The following AAMDC variants were observed in gnomAD, a reference collection of about 807,000 sequenced individuals.
AAMDC encodes mth938 domain-containing protein.
In AAMDC, 16 loss-of-function variants were observed where a neutral mutation model predicts 15.5. That is an observed-to-expected ratio of 1.03 (90% CI 0.70 to 1.57). AAMDC has a LOEUF of 1.57. Ranked by LOEUF, AAMDC falls within the 40% of genes most tolerant of loss-of-function variation. AAMDC has a pLI of 0.00. For synonymous variants in AAMDC, 51 were observed against 51.6 expected, an observed-to-expected ratio of 0.99 and a Z score of 0.05; for missense variants, 141 against 144.9, an observed-to-expected ratio of 0.97 and a Z score of 0.14.
At chr11:77,844,095 A>G (rs1192144517) in intron 2 of AAMDC, among the ~76,000 whole-genome samples, 1 of 152,124 alleles carries the variant, frequency 6.6e-6, no homozygotes, top group African/African-American at 2.4e-5. Context: ...GTGGGGACAC[A>G]GCCAAACTGT....
At chr11:77,879,592 G>A (rs963204335) in intron 5 of AAMDC, among the ~76,000 whole-genome samples, 4 of 152,110 alleles carry the variant, frequency 2.6e-5, no homozygotes, top group Admixed American at 2.6e-4. Flanking sequence ...GAAGTGGTTC[G>A]CCAAAAAGTT....
chr11:77,848,313 T>C (rs1171287203), intron 2 of AAMDC, among the ~76,000 whole-genome samples: 1 of 152,186 alleles, frequency 6.6e-6, no homozygotes, highest in Non-Finnish European at 1.5e-5. Flanking sequence ...TGCTGTATAT[T>C]TCTATTTTTC....
At chr11:77,829,360 G>A (rs1016152121) in intron 1 of AAMDC, among the ~76,000 whole-genome samples, 1 of 152,166 alleles carries the variant, frequency 6.6e-6, no homozygotes, top group African/African-American at 2.4e-5. Flanking sequence ...TGTTGTTTAA[G>A]TTACCAATTT....
chr11:77,905,269 C>T (rs963609950), downstream of AAMDC, among the ~76,000 whole-genome samples: 6 of 151,928 alleles, frequency 3.9e-5, no homozygotes, highest in Non-Finnish European at 5.9e-5. Context: ...CCAGCCTGAC[C>T]AACATGGCAA....
intron 5 of AAMDC, chr11:77,878,961 A>G (rs764036133): frequency 3.7e-6 from 6 of 1,613,960 alleles, no homozygotes; most frequent in Non-Finnish European, 5.1e-6. Context: ...AGCGCCGTGC[A>G]GGTTTGGGCA....
Position 77,821,237 on chromosome 11 carries a change from G to T in AAMDC, c.-23G>T. On this transcript the variant is annotated 5_prime_UTR_variant, in exon 1 of 4. Coordinates refer to ENST00000393427, the MANE Select transcript of AAMDC (RefSeq NM_024684.4). ...GAACGCAACTTTGAGGAGACAGTGCGGTGGGTGAGTTTGCGGGGGAATCCT... is the reference window on the plus strand; with the variant it reads ...GAACGCAACTTTGAGGAGACAGTGCTGTGGGTGAGTTTGCGGGGGAATCCT... 3.9e-6 allele frequency: 1 copy of T among 255,944 alleles called. No individual in the cohort carries two copies. Among genetic ancestry groups the T allele is most frequent in the African/African-American group, 2.2e-5 (1 of 45,306 alleles). The allele number at this position is 255,944 out of a possible 1,614,324, so 15.9% of individuals were successfully genotyped here. A position where few individuals can be genotyped will look rare whatever the true frequency, so the allele number is the denominator to read the frequency against.
intron 1 of AAMDC, among the ~76,000 whole-genome samples, chr11:77,826,938 C>G (rs1949203218): frequency 6.6e-6 from 1 of 152,104 alleles, no homozygotes; most frequent in Non-Finnish European, 1.5e-5. Context: ...AACACCATCT[C>G]TACTAAAAAT....
At chr11:77,869,340 T>A (rs1221701134) in intron 2 of AAMDC, 15 of 151,424 alleles carry the variant, frequency 9.9e-5, no homozygotes, top group Non-Finnish European at 1.4e-4. Context: ...TTAGATAGGG[T>A]CTCACTGTGT....
At chr11:77,845,391 C>T (rs1374851447) in intron 2 of AAMDC, among the ~76,000 whole-genome samples, 3 of 151,858 alleles carry the variant, frequency 2.0e-5, no homozygotes, top group African/African-American at 7.3e-5. Flanking sequence ...ATTTTTATTT[C>T]CATCATTGTA....
intron 1 of AAMDC, among the ~76,000 whole-genome samples, chr11:77,836,557 A>G (rs1949690612): frequency 6.6e-6 from 1 of 152,244 alleles, no homozygotes; most frequent in African/African-American, 2.4e-5. Flanking sequence ...TAAGACACGC[A>G]GTCTGTGGTA....
chr11:77,856,477 C>G (rs761699881), intron 2 of AAMDC, among the ~76,000 whole-genome samples: 18 of 152,162 alleles, frequency 1.2e-4, no homozygotes, highest in South Asian at 6.2e-4. Context: ...AGCAATACCC[C>G]CTTCCTGGTA....
chr11:77,898,956 G>A (rs1402079313), intron 5 of AAMDC, among the ~76,000 whole-genome samples: 1 of 152,202 alleles, frequency 6.6e-6, no homozygotes, highest in Non-Finnish European at 1.5e-5. Context: ...GGAACCAGAG[G>A]TTGCAGTGAG....
At chr11:77,852,237 A>AAAAAAAAAAAAAAAAAAAAAAAAC (rs1196414164) in intron 2 of AAMDC, among the ~76,000 whole-genome samples, 3 of 149,084 alleles carry the variant, frequency 2.0e-5, no homozygotes, top group Non-Finnish European at 4.5e-5. Flanking sequence ...AAAAAAAAAA[A>AAAAAAAAAAAAAAAAAAAAAAAAC]AAAAGAAGAA....
downstream of AAMDC, among the ~76,000 whole-genome samples, chr11:77,874,106 G>A (rs993829022): frequency 3.3e-5 from 5 of 152,174 alleles, no homozygotes; most frequent in East Asian, 3.8e-4. Context: ...AGTGGCAGAC[G>A]TAGGATTAGA....
intron 5 of AAMDC, among the ~76,000 whole-genome samples, chr11:77,887,720 A>T (rs530906515): frequency 7.9e-4 from 120 of 152,298 alleles, no homozygotes; most frequent in Admixed American, 1.6e-3. Context: ...CAACTTCAGC[A>T]AAGTCTCAGG....
intron 2 of AAMDC, among the ~76,000 whole-genome samples, chr11:77,845,997 TA>T (rs1462028583): frequency 6.6e-6 from 1 of 152,088 alleles, no homozygotes; most frequent in African/African-American, 2.4e-5. Context: ...TTGTTTTGTT[TA>T]TATTTCTCAT....
intron 1 of AAMDC, among the ~76,000 whole-genome samples, chr11:77,828,843 G>A (rs1273056367): frequency 6.6e-6 from 1 of 152,152 alleles, no homozygotes; most frequent in African/African-American, 2.4e-5. Context: ...CAAAATTCCA[G>A]CTGGCTTCTT....
chr11:77,897,810 ATTG>A (rs982396602), intron 5 of AAMDC, among the ~76,000 whole-genome samples: 20 of 150,764 alleles, frequency 1.3e-4, no homozygotes, highest in Admixed American at 8.6e-4. Context: ...CAGCCATATT[ATTG>A]TTATTATTTT....
rs186303264 is a variant in AAMDC, at chr11:77,826,886, C to G, written c.-19+5645C>G. 2.0e-4 allele frequency among the ~76,000 whole-genome samples: 31 copies of G among 152,274 alleles called. No individual in the cohort carries two copies. In the East Asian group the frequency reaches 5.6e-3, roughly 28 times the overall value. ...TTGAGAGGCCGAGGTGGGCAGAACA[C>G]CTGAGGTCAGAAGTTCGAGACCAGC... is the stretch of plus-strand genomic sequence containing the variant. On this transcript the variant is annotated intron_variant, in intron 1 of 3. Transcript: ENST00000393427.
Sources: allele counts gnomAD v4.1 joint callset (sites outside exome capture counted in the v4.1 genomes callset), GRCh38; gene constraint gnomAD v4.1.1; transcripts MANE v1.5; gene names NCBI Gene and HGNC (gene_info 2026-07-23, HGNC 2026-07-21).